Variants in DLG2 observed in about 807,000 individuals in gnomAD.
The protein encoded by DLG2 is discs large MAGUK scaffold protein 2.
Under a neutral mutation model 132.5 loss-of-function variants are expected in DLG2, and 45 were observed. The observed-to-expected ratio is 0.34, with a 90% confidence interval of 0.27 to 0.44. DLG2 has a LOEUF of 0.44. DLG2 is among the 20% of genes least tolerant of loss of function. The pLI, the probability that DLG2 is intolerant of heterozygous loss-of-function variation, is 1.00. For synonymous variants in DLG2, 424 were observed against 419.6 expected, an observed-to-expected ratio of 1.01 and a Z score of -0.13; for missense variants, 1,045 against 1,196.9, an observed-to-expected ratio of 0.87 and a Z score of 1.87.
At chr11:85,268,054 C>T (rs1305045077) in intron 4 of DLG2, among the ~76,000 whole-genome samples, 1 of 152,140 alleles carries the variant, frequency 6.6e-6, no homozygotes, top group African/African-American at 2.4e-5. Context: ...ATGCACTAAG[C>T]ACTTTATTTG....
intron 6 of DLG2, among the ~76,000 whole-genome samples, chr11:85,056,850 G>A (rs1048300416): frequency 5.5e-4 from 84 of 151,848 alleles, no homozygotes; most frequent in African/African-American, 1.9e-3. Flanking sequence ...TATATTCACT[G>A]AAAATACAAT....
At chr11:84,531,522 C>T (rs1301135753) in intron 7 of DLG2, among the ~76,000 whole-genome samples, 1 of 152,126 alleles carries the variant, frequency 6.6e-6, no homozygotes, top group Non-Finnish European at 1.5e-5. Flanking sequence ...TCAAACACAT[C>T]TTGTTTAGCA....
intron 17 of DLG2, chr11:83,790,869 G>C (rs2041349800): frequency 1.3e-6 from 1 of 746,702 alleles, no homozygotes; most frequent in Non-Finnish European, 2.4e-6. Context: ...ATAGCTACTT[G>C]ATCCTTCCAA....
rs11234369 is a variant in DLG2 at position 85,579,022 on chromosome 11, G to A, written c.40+19635C>T. ...ATAGACTGGATAAAGAAAATATGGC[G>A]TATATACACCATGGAATACTACACA... On this transcript the variant is annotated intron_variant, in intron 3 of 27. Coordinates refer to ENST00000376104, the MANE Select transcript of DLG2 (RefSeq NM_001142699.3). Among the ~76,000 whole-genome samples, 723 of 151,924 alleles carry A rather than the reference G, an allele frequency of 4.8e-3. 3 individuals carry two copies. Among genetic ancestry groups the A allele is most frequent in the African/African-American group, 0.012 (492 of 41,482 alleles).
chr11:83,796,503 A>T (rs1160247242), intron 17 of DLG2, among the ~76,000 whole-genome samples: 1 of 152,058 alleles, frequency 6.6e-6, no homozygotes, highest in African/African-American at 2.4e-5. Context: ...CCAAGTGACC[A>T]TTTGCTTGTG....
intron 6 of DLG2, among the ~76,000 whole-genome samples, chr11:84,940,738 T>A (rs973123227): frequency 2.0e-5 from 3 of 152,224 alleles, no homozygotes; most frequent in Admixed American, 1.3e-4. Flanking sequence ...CTTGATGTGA[T>A]CCTATTTTAC....
intron 6 of DLG2, among the ~76,000 whole-genome samples, chr11:85,106,388 T>C (rs1238778269): frequency 6.6e-6 from 1 of 151,966 alleles, no homozygotes; most frequent in Non-Finnish European, 1.5e-5. Flanking sequence ...AACAAAAAGT[T>C]TCTTTTTCAA....
chr11:84,581,738 C>G (rs1418685480), intron 6 of DLG2, among the ~76,000 whole-genome samples: 1 of 151,898 alleles, frequency 6.6e-6, no homozygotes, highest in African/African-American at 2.4e-5. Flanking sequence ...GAAAACCCAT[C>G]TGTACTAAAA....
chr11:83,724,656 A>T (rs2089618921), intron 18 of DLG2, among the ~76,000 whole-genome samples: 5 of 152,174 alleles, frequency 3.3e-5, no homozygotes, highest in Admixed American at 3.3e-4. Context: ...TTCTCACAGA[A>T]CACAGATAGC....
chr11:84,500,708 C>T (rs181945986), intron 7 of DLG2, among the ~76,000 whole-genome samples: 77 of 152,252 alleles, frequency 5.1e-4, no homozygotes, highest in Non-Finnish European at 9.0e-4. Flanking sequence ...TATGTGAAGG[C>T]ATCAATGCCC....
chr11:85,334,744 T>C (rs538949373), intron 3 of DLG2, among the ~76,000 whole-genome samples: 2 of 152,336 alleles, frequency 1.3e-5, no homozygotes, highest in South Asian at 4.1e-4. Flanking sequence ...TTGAGATATC[T>C]TCTTGGTATT....
At chr11:84,935,529 C>T (rs576185913) in intron 6 of DLG2, among the ~76,000 whole-genome samples, 9 of 152,238 alleles carry the variant, frequency 5.9e-5, no homozygotes, top group African/African-American at 2.2e-4. Context: ...AACACAGGAC[C>T]CTCCTACCTG....
chr11:84,372,600 G>GCTA (rs1200895962), intron 7 of DLG2, among the ~76,000 whole-genome samples: 6 of 152,160 alleles, frequency 3.9e-5, no homozygotes, highest in Non-Finnish European at 5.9e-5. Flanking sequence ...CTTTCCAGAT[G>GCTA]CTACTAGTCA....
intron 9 of DLG2, among the ~76,000 whole-genome samples, chr11:84,153,291 T>C (rs752189264): frequency 5.3e-5 from 8 of 152,224 alleles, no homozygotes; most frequent in Non-Finnish European, 1.2e-4. Flanking sequence ...CATGTTAATC[T>C]TGGAGAATCT....
At position 85,134,010 on chromosome 11, in the gene DLG2, G is replaced by T. The variant is rs1251460968; in HGVS notation, c.282+20546C>A. Among the ~76,000 whole-genome samples the T allele has an allele frequency of 3.3e-5, 5 of 152,112 alleles. No individual in the cohort carries two copies. The East Asian group carries it at 9.7e-4, about 29-fold the overall frequency. ...ACAGGAGCTCAGAAAGGAGAGAGGG[G>T]GTGGGAAGGGAGAATGAGGGAGAGT... On this transcript the variant is annotated intron_variant, in intron 5 of 27. Coordinates refer to ENST00000376104, the MANE Select transcript of DLG2 (RefSeq NM_001142699.3).
At chr11:84,107,006 G>T (rs907921796) in intron 9 of DLG2, among the ~76,000 whole-genome samples, 1 of 85,146 alleles carries the variant, frequency 1.2e-5, no homozygotes, top group Non-Finnish European at 2.7e-5. Flanking sequence ...GTGTGTGTGT[G>T]TGTGTGTGAG....
At chr11:84,096,383 A>T (rs1468227475) in intron 10 of DLG2, among the ~76,000 whole-genome samples, 1 of 152,182 alleles carries the variant, frequency 6.6e-6, no homozygotes. Flanking sequence ...GAATGAATGA[A>T]GTTTCTAGCA....
At chr11:84,768,943 A>G (rs1489776161) in intron 6 of DLG2, among the ~76,000 whole-genome samples, 2 of 152,190 alleles carry the variant, frequency 1.3e-5, no homozygotes, top group Non-Finnish European at 2.9e-5. Flanking sequence ...GAGAAGAGAA[A>G]AAAATATATT....
chr11:85,074,292 C>G (rs2066244088), intron 6 of DLG2, among the ~76,000 whole-genome samples: 1 of 151,820 alleles, frequency 6.6e-6, no homozygotes, highest in Non-Finnish European at 1.5e-5. Context: ...TGAATCTTTT[C>G]TCTAAAACTT....
Sources: gnomAD v4.1 joint callset for allele counts (sites outside exome capture counted in the v4.1 genomes callset) on GRCh38, gnomAD v4.1.1 for gene constraint, MANE v1.5 for transcripts, NCBI Gene and HGNC (gene_info 2026-07-23, HGNC 2026-07-21) for gene names.